DOCK1: variants seen among roughly 807,000 people sequenced by gnomAD.
DOCK1 encodes the protein dedicator of cytokinesis 1, also known as dedicator of cytokinesis protein 1.
Under a neutral mutation model 262.7 loss-of-function variants are expected in DOCK1, and 138 were observed. The observed-to-expected ratio is 0.53, with a 90% CI of 0.46 to 0.61. DOCK1 has a LOEUF of 0.61. DOCK1 is among the 20% of genes least tolerant of loss of function. The probability of loss-of-function intolerance (pLI) is 0.00; values close to 1 mark genes in which losing one functional copy is unlikely to be tolerated. For synonymous variants in DOCK1, 866 were observed against 867.4 expected (o/e 1.00, Z 0.03); for missense variants, 1,908 against 2,370.7 (o/e 0.80, Z 4.05).
chr10:127,000,743 G>C (rs575119570), intron 10 of DOCK1: 8 of 161,388 alleles, frequency 5.0e-5, no homozygotes, highest in Non-Finnish European at 8.2e-5. Context: ...CGCCATGTTG[G>C]TGCTGTTTCT....
chr10:126,956,511 G>A (rs2036751146), intron 1 of DOCK1, among the ~76,000 whole-genome samples: 1 of 152,156 alleles, frequency 6.6e-6, no homozygotes, highest in African/African-American at 2.4e-5. Context: ...TGCTCAGTGG[G>A]AAGATGGCAA....
intron 38 of DOCK1, among the ~76,000 whole-genome samples, chr10:127,392,763 C>T (rs907939048): frequency 6.6e-6 from 1 of 152,100 alleles, no homozygotes; most frequent in Non-Finnish European, 1.5e-5. Context: ...AGCGCCGGGT[C>T]GGGGGCAGAT....
At chr10:127,059,559 T>C (rs2045396572) in intron 22 of DOCK1, among the ~76,000 whole-genome samples, 1 of 152,234 alleles carries the variant, frequency 6.6e-6, no homozygotes, top group South Asian at 2.1e-4. Flanking sequence ...CCTCTTGCTG[T>C]GTCTACTCTC....
chr10:127,291,219 C>T (rs977485236), intron 29 of DOCK1, among the ~76,000 whole-genome samples: 5 of 152,314 alleles, frequency 3.3e-5, no homozygotes, highest in East Asian at 3.9e-4. Flanking sequence ...TTAAGTGTCA[C>T]GTGGATTTAC....
At position 126,953,771 on chromosome 10, in the gene DOCK1, A is replaced by C. The variant is rs1003358247; in HGVS notation, c.47-16931A>C. On this transcript the variant is annotated intron_variant, in intron 1 of 51. Coordinates refer to ENST00000623213, the MANE Select transcript of DOCK1 (RefSeq NM_001290223.2). ...GGGGTTAGAGGGTGTGTGGCTGCTC[A>C]GTGGTCAGCTTTGATGTCACCTGAA... Among the ~76,000 whole-genome samples, 208 of 152,172 alleles carry C rather than the reference A, an allele frequency of 1.4e-3. 1 individual carries two copies. Among genetic ancestry groups the C allele is most frequent in the African/African-American group, 4.8e-3 (198 of 41,514 alleles).
chr10:127,083,672 T>G (rs2047038319), intron 23 of DOCK1, among the ~76,000 whole-genome samples: 1 of 152,210 alleles, frequency 6.6e-6, no homozygotes, highest in South Asian at 2.1e-4. Flanking sequence ...TGTTTTCTGT[T>G]TTTCCTAAGG....
Position 127,061,758 on chromosome 10 carries a change from C to T in DOCK1, c.2427C>T (p.Asp809=). Residue 809 remains aspartate, a synonymous_variant, in exon 23 of 52, where the codon GAC becomes GAT. Transcript: ENST00000623213. The part of the protein sequence containing the change: ...SINDMMSSMS[D]QTVRVKGAAL... ...ATGACATGATGAGCAGCATGTCAGA[C>T]CAGACCGTCCGGGTGAAGGTGAGTG... The T allele has an allele frequency of 6.3e-7, 1 of 1,588,750 alleles. No homozygotes were observed. Among genetic ancestry groups the T allele is most frequent in the Non-Finnish European group, 8.6e-7 (1 of 1,167,348 alleles).
chr10:127,356,797 G>A (rs1180141315), intron 32 of DOCK1, among the ~76,000 whole-genome samples: 1 of 152,136 alleles, frequency 6.6e-6, no homozygotes, highest in Non-Finnish European at 1.5e-5. Flanking sequence ...TCTGGACACA[G>A]GCTCTCTCTG....
chr10:126,931,791 G>T (rs2034208982), intron 1 of DOCK1, among the ~76,000 whole-genome samples: 3 of 152,122 alleles, frequency 2.0e-5, no homozygotes, highest in Admixed American at 2.0e-4. Context: ...CTGAGGATAT[G>T]CGTGGCCCCT....
intron 27 of DOCK1, chr10:127,128,013 C>T: frequency 3.6e-6 from 1 of 279,226 alleles, no homozygotes; most frequent in Non-Finnish European, 6.7e-6. Flanking sequence ...GTATTTTCTG[C>T]TGAGTCGTCA....
chr10:127,159,336 T>C (rs1294500189), intron 27 of DOCK1, among the ~76,000 whole-genome samples: 1 of 152,208 alleles, frequency 6.6e-6, no homozygotes, highest in African/African-American at 2.4e-5. Context: ...GGCCTGGACC[T>C]CTCAGGTTTA....
rs993127126 is a variant in DOCK1, at chr10:127,407,817, G to A, written c.4123-1220G>A. ...AGAAGCACCTCAGCAACCACGCCCC[G>A]TCCTGGAAAGTGTTACCCCCCCAAC... On this transcript the variant is annotated intron_variant, in intron 40 of 51. Coordinates refer to ENST00000623213, the MANE Select transcript of DOCK1 (RefSeq NM_001290223.2). Among the ~76,000 whole-genome samples, 5 of 152,038 alleles carry A rather than the reference G, an allele frequency of 3.3e-5. No homozygotes were observed. In the South Asian group the frequency reaches 6.2e-4, roughly 19 times the overall value.
At position 127,226,799 on chromosome 10, in the gene DOCK1, G is replaced by A. The variant is rs1311016829; in HGVS notation, c.2848-21209G>A. ...AAAAAGAGTGGGTGGGGCTCCTGATGCCTTCGCCATTGTGATTACACAATA... is the reference window on the plus strand; with the variant it reads ...AAAAAGAGTGGGTGGGGCTCCTGATACCTTCGCCATTGTGATTACACAATA... On this transcript the variant is annotated intron_variant, in intron 27 of 51. Transcript: ENST00000623213. Among the ~76,000 whole-genome samples, 4 of 151,946 alleles carry A rather than the reference G, an allele frequency of 2.6e-5. No homozygotes were observed. In the East Asian group the frequency reaches 7.8e-4, roughly 29 times the overall value.
At chr10:127,132,268 C>T (rs1476606317) in intron 27 of DOCK1, among the ~76,000 whole-genome samples, 2 of 152,116 alleles carry the variant, frequency 1.3e-5, no homozygotes, top group Non-Finnish European at 1.5e-5. Context: ...GAATGCGTCT[C>T]GTGCCTAGGA....
intron 1 of DOCK1, among the ~76,000 whole-genome samples, chr10:126,932,234 C>T (rs2034239489): frequency 6.6e-6 from 1 of 152,180 alleles, no homozygotes; most frequent in African/African-American, 2.4e-5. Context: ...TGCAAAATAG[C>T]AGAGAAGGGC....
chr10:127,090,787 G>A (rs2136093660), intron 23 of DOCK1, among the ~76,000 whole-genome samples: 1 of 152,196 alleles, frequency 6.6e-6, no homozygotes, highest in African/African-American at 2.4e-5. Flanking sequence ...CTTTTACTTA[G>A]TATATTCTCA....
At chr10:127,435,180 A>G (rs1260957324) in intron 48 of DOCK1, among the ~76,000 whole-genome samples, 1 of 152,216 alleles carries the variant, frequency 6.6e-6, no homozygotes, top group Non-Finnish European at 1.5e-5. Flanking sequence ...TTGTTCTTCT[A>G]CAAAAAGAAA....
intron 29 of DOCK1, among the ~76,000 whole-genome samples, chr10:127,269,719 G>A (rs1251233728): frequency 1.3e-5 from 2 of 152,212 alleles, no homozygotes; most frequent in African/African-American, 4.8e-5. Context: ...TGCAGATGAG[G>A]TTCTGAGATT....
chr10:127,397,335 C>A (rs113273805), intron 38 of DOCK1, among the ~76,000 whole-genome samples: 1 of 147,060 alleles, frequency 6.8e-6, no homozygotes, highest in African/African-American at 2.5e-5. Flanking sequence ...ATGAGTTACA[C>A]GGGCGGTGTC....
Sources: gnomAD v4.1 joint callset for allele counts (sites outside exome capture counted in the v4.1 genomes callset) on GRCh38, gnomAD v4.1.1 for gene constraint, MANE v1.5 for transcripts, NCBI Gene and HGNC (gene_info 2026-07-23, HGNC 2026-07-21) for gene names.